The following ACOT1 variants were observed in gnomAD, a reference collection of about 807,000 sequenced individuals.
ACOT1 encodes acyl-coenzyme A thioesterase 1.
A neutral mutation model predicts 15.7 loss-of-function variants in ACOT1; 8 were observed. That is an observed-to-expected ratio of 0.51 (90% CI 0.30 to 0.92). The LOEUF (loss-of-function observed/expected upper bound fraction) is 0.92, where lower values mean the gene tolerates loss of function less well. Ranked by LOEUF, ACOT1 falls within the 40% of genes least tolerant of loss-of-function variation. The probability of loss-of-function intolerance (pLI) is 0.06; values close to 1 mark genes in which losing one functional copy is unlikely to be tolerated. For synonymous variants in ACOT1, 67 were observed against 241.2 expected (o/e 0.28, Z 6.69); for missense variants, 151 against 539.4 (o/e 0.28, Z 7.13).
the ACOT1 span, chr14:73,508,394 T>A: frequency 7.2e-4 from 672 of 928,248 alleles, 1 homozygote; most frequent in Middle Eastern, 1.4e-3. Flanking sequence ...CCACCTGATA[T>A]CTCACTTCCT....
At chr14:73,499,685 ATG>A in the ACOT1 span, among the ~76,000 whole-genome samples, 3 of 152,142 alleles carry the variant, frequency 2.0e-5, no homozygotes, top group African/African-American at 7.2e-5. Context: ...CTGGGGCCAT[ATG>A]GCTTCTCTTG....
chr14:73,492,865 G>A, the ACOT1 span: 1 of 1,613,924 alleles, frequency 6.2e-7, no homozygotes, highest in Non-Finnish European at 8.5e-7. This position sits in a 1 kb window ranked among gnomAD's most constrained non-coding sequence, Gnocchi z 4.9. Flanking sequence ...GTGACAGTGT[G>A]GAGGACCAGC....
At chr14:73,521,906 C>T in the ACOT1 span, among the ~76,000 whole-genome samples, 30 of 152,220 alleles carry the variant, frequency 2.0e-4, no homozygotes, top group African/African-American at 6.0e-4. Flanking sequence ...GAGAACCAAT[C>T]CCTTTAAGAG....
rs549221388 is a variant in ACOT1, at chr14:73,537,564, C to T, written c.143C>T (p.Ala48Val). The T allele has an allele frequency of 2.5e-6, 3 of 1,214,044 alleles. No homozygotes were observed. The highest frequency in any genetic ancestry group is 5.4e-5 in the Admixed American group (2 of 37,084). 75.2% of individuals were successfully genotyped at this position (1,214,044 alleles called of 1,614,324 possible). A position where few individuals can be genotyped will look rare whatever the true frequency, so the allele number is the denominator to read the frequency against. Residue 48 changes from alanine to valine, a missense_variant, in exon 1 of 3, where the codon GCC becomes GTC. By Grantham distance (64) the Ala-to-Val change is moderately conservative (BLOSUM62 0). Coordinates refer to ENST00000311148, the MANE Select transcript of ACOT1 (RefSeq NM_001037161.2). ...LRDEKGALFQ[A>V]HARYRADTLG... ...GACGAGAAGGGCGCGCTTTTCCAGG[C>T]CCACGCGCGCTACCGCGCCGACACC...
chr14:73,518,858 T>A, the ACOT1 span, among the ~76,000 whole-genome samples: 2 of 152,216 alleles, frequency 1.3e-5, no homozygotes, highest in African/African-American at 4.8e-5. Context: ...TAGTATTTTA[T>A]AATTTTGTGA....
chr14:73,492,328 T>C, the ACOT1 span: 1 of 1,614,030 alleles, frequency 6.2e-7, no homozygotes, highest in Non-Finnish European at 8.5e-7. The surrounding 1 kb of genome is among the most constrained non-coding windows in gnomAD (Gnocchi z 4.9). Flanking sequence ...CCATACTGCC[T>C]CTGGCAGTGC....
chr14:73,500,436 C>T, the ACOT1 span: 6 of 1,171,122 alleles, frequency 5.1e-6, no homozygotes, highest in South Asian at 6.2e-5. Flanking sequence ...CTTCCCAGTT[C>T]CAATCTCTCA....
the ACOT1 span, chr14:73,498,267 C>T: frequency 6.2e-7 from 1 of 1,614,134 alleles, no homozygotes; most frequent in Admixed American, 1.7e-5. Flanking sequence ...AGCCGTACAC[C>T]TGGTGACTCT....
At chr14:73,522,527 T>G in the ACOT1 span, 4 of 1,614,172 alleles carry the variant, frequency 2.5e-6, no homozygotes, top group Non-Finnish European at 2.5e-6. Flanking sequence ...CTCGTTCAGC[T>G]TTTCCAGCAC....
chr14:73,531,011 T>A, the ACOT1 span: 2 of 98,126 alleles, frequency 2.0e-5, no homozygotes, highest in Admixed American at 2.5e-4. Context: ...ACCATACTGC[T>A]TGGTATCTAA....
the ACOT1 span, among the ~76,000 whole-genome samples, chr14:73,507,892 G>A: frequency 1.3e-5 from 2 of 152,112 alleles, no homozygotes; most frequent in Non-Finnish European, 2.9e-5. Flanking sequence ...ACTCAGTGTG[G>A]TACCACTGCA....
At chr14:73,510,965 T>C in the ACOT1 span, among the ~76,000 whole-genome samples, 3 of 152,372 alleles carry the variant, frequency 2.0e-5, no homozygotes, top group South Asian at 2.1e-4. Flanking sequence ...ATTTCACTTA[T>C]AGCTCTTCTC....
At chr14:73,504,460 T>G in the ACOT1 span, among the ~76,000 whole-genome samples, 1 of 152,092 alleles carries the variant, frequency 6.6e-6, no homozygotes, top group Non-Finnish European at 1.5e-5. Context: ...GCCAGGATGG[T>G]CTCGATCTCC....
At chr14:73,507,078 C>T in the ACOT1 span, among the ~76,000 whole-genome samples, 1 of 152,136 alleles carries the variant, frequency 6.6e-6, no homozygotes, top group African/African-American at 2.4e-5. Context: ...GCTGGGATTA[C>T]AGGCGTGAGC....
the ACOT1 span, chr14:73,514,223 C>T: frequency 2.5e-6 from 4 of 1,613,994 alleles, no homozygotes; most frequent in African/African-American, 5.3e-5. Flanking sequence ...GCTCCTTGCA[C>T]AGGTCTGTAA....
chr14:73,514,269 C>T, the ACOT1 span: 120 of 1,595,172 alleles, frequency 7.5e-5, no homozygotes, highest in Non-Finnish European at 9.2e-5. Flanking sequence ...CTTTTCACCC[C>T]ACTGCCTTAG....
chr14:73,491,615 C>T, the ACOT1 span: 1 of 1,547,276 alleles, frequency 6.5e-7, no homozygotes, highest in African/African-American at 1.4e-5. Context: ...CAGCAGCCGG[C>T]GGCGAGCGGC....
At chr14:73,500,655 G>A in the ACOT1 span, 973 of 1,614,032 alleles carry the variant, frequency 6.0e-4, 5 homozygotes, top group Middle Eastern at 3.3e-4. Flanking sequence ...GAAGCTTGGC[G>A]GTCATAAGCT....
chr14:73,492,153 A>G, the ACOT1 span: 2 of 1,613,988 alleles, frequency 1.2e-6, no homozygotes, highest in Non-Finnish European at 1.7e-6. The surrounding 1 kb of genome is among the most constrained non-coding windows in gnomAD (Gnocchi z 4.9). Flanking sequence ...AACTTCAGTC[A>G]GGACGACCTC....
Sources: gnomAD v4.1 joint callset for allele counts (sites outside exome capture counted in the v4.1 genomes callset) on GRCh38, gnomAD v4.1.1 for gene constraint, Gnocchi (gnomAD v3.1) non-coding constraint, MANE v1.5 for transcripts, NCBI Gene and HGNC (gene_info 2026-07-23, HGNC 2026-07-21) for gene names.